The following BRI3 variants were observed in gnomAD, a reference collection of about 807,000 sequenced individuals.
BRI3 encodes membrane protein BRI3.
BRI3 carries 6 observed loss-of-function variants against 12.8 expected under a neutral mutation model. The observed-to-expected ratio is 0.47, with a 90% CI of 0.26 to 0.93. The LOEUF is 0.93. Among genes scored for constraint, BRI3 ranks in the 40% least tolerant of loss-of-function variants. BRI3 has a pLI of 0.15. For synonymous variants in BRI3, 91 were observed against 76.1 expected, an observed-to-expected ratio of 1.20 and a Z score of -1.02; for missense variants, 134 against 171.1, an observed-to-expected ratio of 0.78 and a Z score of 1.21.
chr7:98,289,776 T>G (rs1480616181), intron 2 of BRI3, among the ~76,000 whole-genome samples: 2 of 152,212 alleles, frequency 1.3e-5, no homozygotes, highest in African/African-American at 4.8e-5. Context: ...TGTCCAGAAC[T>G]TTCCAGAAAT....
At chr7:98,319,478 C>A in the BRI3 span, among the ~76,000 whole-genome samples, 1 of 151,694 alleles carries the variant, frequency 6.6e-6, no homozygotes, top group Admixed American at 6.6e-5. Context: ...TGTCCTACAG[C>A]GTGAATGTAT....
chr7:98,304,476 T>C (rs993344401), upstream of BRI3: 1 of 1,168,750 alleles, frequency 8.6e-7, no homozygotes. Flanking sequence ...TAATAGTACA[T>C]CACCAATCAA....
rs2116871782 is a variant in BRI3 at position 98,310,313 on chromosome 7, C to T, written n.2943C>T. 11 of 971,360 alleles carry T rather than the reference C, an allele frequency of 1.1e-5. No homozygotes were observed. In the South Asian group the frequency reaches 1.9e-4, roughly 17 times the overall value. 60.2% of individuals were successfully genotyped at this position (971,360 alleles called of 1,614,324 possible). On this transcript the variant is annotated non_coding_transcript_exon_variant, in exon 2 of 2. Transcript: ENST00000485422. ...GAACTCACGCTCTGCAAAGCCAGGG[C>T]TGAATGTATCTACCATACCTGCTTG...
chr7:98,304,865 ATT>A (rs11423233), upstream of BRI3, among the ~76,000 whole-genome samples: 2,299 of 136,290 alleles, frequency 0.017, 68 homozygotes, highest in African/African-American at 0.059. Context: ...CTCACAAGAA[ATT>A]TTTTTTTTTT....
At position 98,281,788 on chromosome 7, in the gene BRI3, G is replaced by T; in HGVS notation, c.-8G>T. On this transcript the variant is annotated 5_prime_UTR_variant, in exon 1 of 3. Coordinates refer to ENST00000297290, the MANE Select transcript of BRI3 (RefSeq NM_015379.5). ...CCGGGCCGGAGCGGCGGGCGCGGCC[G>T]GGCCGCCATGGACCACAAGCCGCTG... is the stretch of plus-strand genomic sequence containing the variant. 2.6e-6 allele frequency: 3 copies of T among 1,147,704 alleles called. No homozygotes were observed. The highest frequency in any genetic ancestry group is 3.2e-6 in the Non-Finnish European group (3 of 934,174). 71.1% of individuals were successfully genotyped at this position (1,147,704 alleles called of 1,614,324 possible). A position where few individuals can be genotyped will look rare whatever the true frequency, so the allele number is the denominator to read the frequency against.
chr7:98,295,194 C>G (rs1458742979), downstream of BRI3, among the ~76,000 whole-genome samples: 2 of 152,212 alleles, frequency 1.3e-5, no homozygotes, highest in African/African-American at 4.8e-5. Context: ...GAGGCCCAGG[C>G]CAGGCCTCCT....
At chr7:98,297,753 C>CA (rs1445750685), downstream of BRI3, among the ~76,000 whole-genome samples, 1 of 152,228 alleles carries the variant, frequency 6.6e-6, no homozygotes, top group African/African-American at 2.4e-5. Context: ...TGTTGTGACG[C>CA]AAACGAAGAT....
At chr7:98,308,885 C>T (rs926156760) in exon 2 of BRI3, 3 of 152,650 alleles carry the variant, frequency 2.0e-5, no homozygotes, top group African/African-American at 4.8e-5. Context: ...CGCTATGTTG[C>T]CCAGCCTGGT....
At chr7:98,318,812 T>C in the BRI3 span, among the ~76,000 whole-genome samples, 1 of 151,264 alleles carries the variant, frequency 6.6e-6, no homozygotes, top group Non-Finnish European at 1.5e-5. Context: ...GGTGCAGTGG[T>C]GGGTGCCTGT....
chr7:98,294,566 T>A (rs1800108090), downstream of BRI3, among the ~76,000 whole-genome samples: 1 of 152,120 alleles, frequency 6.6e-6, no homozygotes, highest in East Asian at 1.9e-4. Flanking sequence ...AAATGAAGCT[T>A]GAGCAACAGA....
chr7:98,310,275 C>G (rs1800819802), exon 2 of BRI3: 1 of 623,898 alleles, frequency 1.6e-6, no homozygotes, highest in Admixed American at 3.7e-5. Flanking sequence ...CAGTCTAGTC[C>G]TGTATTTCTT....
intron 2 of BRI3, among the ~76,000 whole-genome samples, chr7:98,285,578 C>T (rs564683575): frequency 6.6e-6 from 1 of 152,312 alleles, no homozygotes; most frequent in African/African-American, 2.4e-5. Flanking sequence ...CCTCGGTGCC[C>T]AAGTGCTCCC....
Position 98,291,336 on chromosome 7 carries a change from T to C in BRI3, c.*93T>C. 3 of 1,560,228 alleles carry C rather than the reference T, an allele frequency of 1.9e-6. No individual in the cohort carries two copies. The highest frequency in any genetic ancestry group is 2.6e-6 in the Non-Finnish European group (3 of 1,151,572). ...ATTTTATTTGATTAAGCTTCAGGAC[T>C]GTTTTGTAAAGCGAGGTGGGACCGA... On this transcript the variant is annotated 3_prime_UTR_variant, in exon 3 of 3. Transcript: ENST00000297290.
At chr7:98,301,210 C>G (rs1197917098) in intron 1 of BRI3, among the ~76,000 whole-genome samples, 2 of 152,184 alleles carry the variant, frequency 1.3e-5, no homozygotes, top group Non-Finnish European at 2.9e-5. Flanking sequence ...ATCTCAGCTG[C>G]CATCAGTGAT....
the BRI3 span, among the ~76,000 whole-genome samples, chr7:98,321,363 G>T: frequency 2.2e-3 from 328 of 152,092 alleles, no homozygotes; most frequent in African/African-American, 7.7e-3. Flanking sequence ...TTTTTCTCAC[G>T]TTAGTTCTTA....
downstream of BRI3, chr7:98,312,341 C>A (rs891019034): frequency 4.8e-6 from 7 of 1,447,982 alleles, no homozygotes; most frequent in Non-Finnish European, 6.5e-6. Context: ...CACGTCATAT[C>A]GCTGATAACA....
At chr7:98,303,862 A>C (rs1800526398), upstream of BRI3, among the ~76,000 whole-genome samples, 2 of 152,370 alleles carry the variant, frequency 1.3e-5, no homozygotes, top group Non-Finnish European at 2.9e-5. Context: ...AAAATGAAAG[A>C]AAATGGTGAT....
At chr7:98,310,476 G>A (rs1420799693), downstream of BRI3, 5 of 1,600,722 alleles carry the variant, frequency 3.1e-6, no homozygotes, top group Non-Finnish European at 3.4e-6. Context: ...GTGAATTCGG[G>A]GCAGCCGTGG....
downstream of BRI3, chr7:98,293,510 T>C: frequency 6.2e-7 from 1 of 1,611,580 alleles, no homozygotes; most frequent in Non-Finnish European, 8.5e-7. Flanking sequence ...GGAGAGTCCT[T>C]GGCTGTCCTC....
Sources: allele counts gnomAD v4.1 joint callset (sites outside exome capture counted in the v4.1 genomes callset), GRCh38; gene constraint gnomAD v4.1.1; transcripts MANE v1.5; gene names NCBI Gene and HGNC (gene_info 2026-07-23, HGNC 2026-07-21).